Variants in TXNDC8 observed in about 807,000 individuals in gnomAD.
The protein encoded by TXNDC8 is thioredoxin domain-containing protein 8.
Under a neutral mutation model 12.9 loss-of-function variants are expected in TXNDC8, and 15 were observed. The observed-to-expected ratio is 1.16, with a 90% CI of 0.78 to 1.79. The LOEUF is 1.79. Among genes scored for constraint, TXNDC8 ranks in the 40% most tolerant of loss-of-function variants. The pLI is 0.00. For missense variants in TXNDC8, 128 were observed against 113.2 expected, an observed-to-expected ratio of 1.13 and a Z score of -0.59; for synonymous variants, 40 against 35.4, an observed-to-expected ratio of 1.13 and a Z score of -0.46.
chr9:110,320,593 G>T (rs1442928156), intron 3 of TXNDC8, among the ~76,000 whole-genome samples: 1 of 152,176 alleles, frequency 6.6e-6, no homozygotes, highest in Non-Finnish European at 1.5e-5. Context: ...TCCACTGATA[G>T]GCTTCAGACG....
chr9:110,333,659 G>C (rs1021267797), intron 2 of TXNDC8, among the ~76,000 whole-genome samples: 1 of 151,842 alleles, frequency 6.6e-6, no homozygotes, highest in Admixed American at 6.6e-5. Flanking sequence ...TAATATCATG[G>C]GTGTATACAT....
chr9:110,301,815 T>C (rs1260881594), downstream of TXNDC8, among the ~76,000 whole-genome samples: 3 of 152,320 alleles, frequency 2.0e-5, no homozygotes, highest in Middle Eastern at 3.4e-3. Flanking sequence ...GAAGGCTGAC[T>C]GTATCTCTGC....
chr9:110,323,666 T>C, intron 3 of TXNDC8: 1 of 500,740 alleles, frequency 2.0e-6, no homozygotes, highest in Non-Finnish European at 3.1e-6. Flanking sequence ...ACCCAGAGTT[T>C]ACATAGCTGA....
chr9:110,322,640 A>T (rs371870902), intron 3 of TXNDC8: 2 of 985,334 alleles, frequency 2.0e-6, no homozygotes, highest in African/African-American at 3.5e-5. Context: ...CATAAAATGG[A>T]GTAAAAACTG....
intron 3 of TXNDC8, among the ~76,000 whole-genome samples, chr9:110,321,518 G>A (rs1362818847): frequency 6.6e-6 from 1 of 152,124 alleles, no homozygotes; most frequent in East Asian, 1.9e-4. Context: ...AGCCTTAATA[G>A]GAACTGAACT....
In TXNDC8 at chr9:110,337,773, C is replaced by T. The variant is rs139046919; in HGVS notation, c.24G>A (p.Thr8=). The change falls in exon 1 of 5, where the codon ACG becomes ACA. Residue 8 remains threonine (T), a splice_region_variant and synonymous_variant. Transcript: ENST00000423740. The stretch of plus-strand genomic sequence containing the variant: ...TCAGTGAAGCCAAATAAATACTTGC[C>T]GTGTCTTTAATAATCTGTACCATGA... 211 of 1,613,760 alleles carry T rather than the reference C, an allele frequency of 1.3e-4. No homozygotes were observed. Among genetic ancestry groups the T allele is most frequent in the Middle Eastern group, 5.0e-4 (3 of 6,056 alleles).
intron 3 of TXNDC8, among the ~76,000 whole-genome samples, chr9:110,314,103 C>T (rs1564097655): frequency 6.6e-6 from 1 of 152,202 alleles, no homozygotes. Context: ...AAACTCACCC[C>T]TCTGCTCACT....
intron 3 of TXNDC8, among the ~76,000 whole-genome samples, chr9:110,314,797 C>T (rs924965130): frequency 6.6e-6 from 1 of 152,150 alleles, no homozygotes; most frequent in Non-Finnish European, 1.5e-5. Flanking sequence ...ATTGTTTTCT[C>T]GTTTTATTCC....
chr9:110,335,504 T>C (rs1337810592), intron 1 of TXNDC8, among the ~76,000 whole-genome samples: 3 of 152,246 alleles, frequency 2.0e-5, no homozygotes, highest in African/African-American at 7.2e-5. Flanking sequence ...TAATTTACTC[T>C]GTGCCCTATA....
intron 3 of TXNDC8, among the ~76,000 whole-genome samples, chr9:110,321,080 G>A (rs894648774): frequency 3.9e-5 from 6 of 152,236 alleles, no homozygotes; most frequent in South Asian, 2.1e-4. Flanking sequence ...ATATAGCTTT[G>A]TTTGTTTTAG....
At chr9:110,305,166 A>T (rs1036095572) in intron 3 of TXNDC8, among the ~76,000 whole-genome samples, 1 of 151,700 alleles carries the variant, frequency 6.6e-6, no homozygotes, top group Non-Finnish European at 1.5e-5. Flanking sequence ...AAAAAAAAAA[A>T]AAAAGGAATA....
chr9:110,310,569 A>G (rs1838628975), intron 3 of TXNDC8, among the ~76,000 whole-genome samples: 1 of 152,200 alleles, frequency 6.6e-6, no homozygotes, highest in South Asian at 2.1e-4. Flanking sequence ...AAAATATATA[A>G]AAGAGCTCTA....
At chr9:110,318,045 C>T (rs1277355229) in intron 3 of TXNDC8, among the ~76,000 whole-genome samples, 1 of 152,156 alleles carries the variant, frequency 6.6e-6, no homozygotes, top group African/African-American at 2.4e-5. Context: ...TTTCTATTGC[C>T]ATGGCCTGTT....
intron 3 of TXNDC8, among the ~76,000 whole-genome samples, chr9:110,311,554 TA>T (rs1564096127): frequency 8.7e-4 from 114 of 130,456 alleles, no homozygotes; most frequent in African/African-American, 2.9e-3. Context: ...TATATATATA[TA>T]TATCTCCATA....
intron 3 of TXNDC8, among the ~76,000 whole-genome samples, chr9:110,310,135 GAA>G (rs1024229418): frequency 1.3e-5 from 2 of 151,890 alleles, no homozygotes; most frequent in Non-Finnish European, 2.9e-5. Flanking sequence ...TCACATTAAA[GAA>G]AAAAGAGTCC....
intron 3 of TXNDC8, among the ~76,000 whole-genome samples, chr9:110,320,870 C>T (rs1839065102): frequency 6.6e-6 from 1 of 152,216 alleles, no homozygotes; most frequent in Admixed American, 6.5e-5. Context: ...TAGATGAAAA[C>T]ACTAAGGAGT....
intron 3 of TXNDC8, among the ~76,000 whole-genome samples, chr9:110,313,546 C>G (rs1403634790): frequency 6.6e-6 from 1 of 151,998 alleles, no homozygotes; most frequent in African/African-American, 2.4e-5. Flanking sequence ...ACTAAAAATA[C>G]AAAAATTAGC....
In TXNDC8 at chr9:110,322,787, G is replaced by C. The variant is rs141050198; in HGVS notation, c.195+3388C>G. On this transcript the variant is annotated intron_variant, in intron 3 of 4. Coordinates refer to ENST00000423740, the MANE Select transcript of TXNDC8 (RefSeq NM_001286946.2). ...CAGGAGGAGAGGCTGAGCTGGCAGTGGGATGCAGGGAAAAAACAGAAGCAT... is the reference window on the plus strand; with the variant it reads ...CAGGAGGAGAGGCTGAGCTGGCAGTCGGATGCAGGGAAAAAACAGAAGCAT... The C allele has an allele frequency of 2.7e-5, 27 of 985,536 alleles. No individual in the cohort carries two copies. The African/African-American group carries it at 4.4e-4, about 16-fold the overall frequency. 61.0% of individuals were successfully genotyped at this position (985,536 alleles called of 1,614,324 possible).
chr9:110,311,144 T>C (rs924375285), intron 3 of TXNDC8, among the ~76,000 whole-genome samples: 1 of 152,202 alleles, frequency 6.6e-6, no homozygotes, highest in African/African-American at 2.4e-5. Flanking sequence ...AGGTCAGATC[T>C]GTTTCACTGT....
Sources: allele counts gnomAD v4.1 joint callset (sites outside exome capture counted in the v4.1 genomes callset), GRCh38; gene constraint gnomAD v4.1.1; transcripts MANE v1.5; gene names NCBI Gene and HGNC (gene_info 2026-07-23, HGNC 2026-07-21).